Variants in MAPKAPK5 observed in about 807,000 individuals in gnomAD.
The protein encoded by MAPKAPK5 is MAP kinase-activated protein kinase 5.
Under a neutral mutation model 65.1 loss-of-function variants are expected in MAPKAPK5, and 30 were observed. The ratio of observed to expected loss-of-function variants is 0.46; its 90% CI spans 0.34 to 0.63. The LOEUF is 0.63. Among genes scored for constraint, MAPKAPK5 ranks in the 20% least tolerant of loss-of-function variants. MAPKAPK5 has a pLI of 0.01. For missense variants in MAPKAPK5, 433 were observed against 581.4 expected (o/e 0.74, Z 2.63); for synonymous variants, 179 against 204.6 (o/e 0.87, Z 1.07).
At chr12:111,882,796 C>T in intron 8 of MAPKAPK5, 3 of 985,524 alleles carry the variant, frequency 3.0e-6, no homozygotes, top group Non-Finnish European at 3.6e-6. Context: ...CCAGTCCTCT[C>T]CATGATCTGT....
chr12:111,890,938 G>A (rs959562068), intron 13 of MAPKAPK5, among the ~76,000 whole-genome samples: 7 of 152,056 alleles, frequency 4.6e-5, no homozygotes, highest in African/African-American at 1.7e-4. Flanking sequence ...GATTACAGGC[G>A]TGAGCCTCTG....
At chr12:111,878,758 G>A (rs900048779) in intron 7 of MAPKAPK5, among the ~76,000 whole-genome samples, 2 of 152,020 alleles carry the variant, frequency 1.3e-5, no homozygotes, top group Non-Finnish European at 2.9e-5. Flanking sequence ...AGAAGCAACC[G>A]TTCATGAAAA....
At chr12:111,881,316 C>T (rs957080387) in intron 8 of MAPKAPK5, among the ~76,000 whole-genome samples, 2 of 151,936 alleles carry the variant, frequency 1.3e-5, no homozygotes, top group Non-Finnish European at 2.9e-5. Flanking sequence ...TCAAGTGATC[C>T]GCCCGCCTCG....
chr12:111,857,357 T>C (rs1176168691), intron 1 of MAPKAPK5, among the ~76,000 whole-genome samples: 1 of 152,014 alleles, frequency 6.6e-6, no homozygotes, highest in African/African-American at 2.4e-5. Context: ...TTCTCCTTCC[T>C]CACCCTCCGT....
At chr12:111,855,582 A>G (rs1293682482) in intron 1 of MAPKAPK5, among the ~76,000 whole-genome samples, 1 of 152,106 alleles carries the variant, frequency 6.6e-6, no homozygotes, top group Non-Finnish European at 1.5e-5. Context: ...TAATCCTCGC[A>G]CTTTGGGAGG....
At chr12:111,859,466 A>G (rs989230703) in intron 1 of MAPKAPK5, among the ~76,000 whole-genome samples, 3 of 151,746 alleles carry the variant, frequency 2.0e-5, no homozygotes, top group South Asian at 2.1e-4. Flanking sequence ...CTCAGTAGAG[A>G]TGGGGTTTCA....
chr12:111,868,324 A>G (rs367871477), intron 4 of MAPKAPK5, among the ~76,000 whole-genome samples: 1 of 152,206 alleles, frequency 6.6e-6, no homozygotes. Context: ...TAAGCTTACA[A>G]AGGAGAGGAG....
At chr12:111,858,265 T>C (rs1204020791) in intron 1 of MAPKAPK5, among the ~76,000 whole-genome samples, 1 of 152,086 alleles carries the variant, frequency 6.6e-6, no homozygotes, top group Non-Finnish European at 1.5e-5. Flanking sequence ...GTTTATCTTA[T>C]TTAGAGTTTG....
At chr12:111,843,563 T>C (rs2068803982) in intron 1 of MAPKAPK5, 1 of 302,248 alleles carries the variant, frequency 3.3e-6, no homozygotes, top group Non-Finnish European at 6.0e-6. Context: ...TATTTACTTA[T>C]TTGTAGTGTT....
rs78142205 is a variant in MAPKAPK5 at position 111,856,697 on chromosome 12, G to A, written c.37-8553G>A. ...GCCAGGGTTACAGGTGTGAGCCACT[G>A]TGCTCAGCCTTCTCCCTCTTCTTTT... On this transcript the variant is annotated intron_variant, in intron 1 of 13. Transcript: ENST00000550735. Among the ~76,000 whole-genome samples, 23 of 152,074 alleles carry A rather than the reference G, an allele frequency of 1.5e-4. No individual in the cohort carries two copies. The East Asian group carries it at 4.5e-3, about 29-fold the overall frequency.
At chr12:111,885,507 AC>A (rs2136146471) in intron 9 of MAPKAPK5, 1 of 159,520 alleles carries the variant, frequency 6.3e-6, no homozygotes, top group South Asian at 1.9e-4. Flanking sequence ...GAACCTCATG[AC>A]CCTTCAACTA....
chr12:111,866,702 C>T (rs556348114), intron 3 of MAPKAPK5, among the ~76,000 whole-genome samples: 3 of 152,172 alleles, frequency 2.0e-5, no homozygotes, highest in African/African-American at 7.2e-5. Context: ...CTCCGCCTCC[C>T]GGGTTCAAGT....
intron 8 of MAPKAPK5, among the ~76,000 whole-genome samples, chr12:111,882,477 C>T (rs2070269181): frequency 6.6e-6 from 1 of 152,210 alleles, no homozygotes; most frequent in Non-Finnish European, 1.5e-5. Flanking sequence ...GTGTGGGGCC[C>T]CAGTGGCAGG....
intron 7 of MAPKAPK5, among the ~76,000 whole-genome samples, chr12:111,876,003 C>T (rs1359953068): frequency 6.6e-6 from 1 of 151,726 alleles, no homozygotes; most frequent in Admixed American, 6.6e-5. Flanking sequence ...GTCAGGGGTT[C>T]AAGACTAGCC....
intron 8 of MAPKAPK5, among the ~76,000 whole-genome samples, chr12:111,881,617 G>C (rs894833010): frequency 6.6e-6 from 1 of 151,286 alleles, no homozygotes; most frequent in African/African-American, 2.4e-5. Context: ...TGTTGGCCAG[G>C]TTGGTCCTGA....
chr12:111,882,224 C>CA (rs2070258633), intron 8 of MAPKAPK5, among the ~76,000 whole-genome samples: 1 of 152,088 alleles, frequency 6.6e-6, no homozygotes, highest in Non-Finnish European at 1.5e-5. Flanking sequence ...ACTAAAAATA[C>CA]AAAAAATTAG....
At chr12:111,887,814 TACACACACACAC>T (rs58382752) in intron 10 of MAPKAPK5, 9,851 of 145,056 alleles carry the variant, frequency 0.068, 383 homozygotes, top group Middle Eastern at 0.18. Flanking sequence ...TTTTCTGGGA[TACACACACACAC>T]ACACACACAC....
chr12:111,862,474 G>A (rs558882577), intron 1 of MAPKAPK5, among the ~76,000 whole-genome samples: 2 of 152,278 alleles, frequency 1.3e-5, no homozygotes, highest in East Asian at 3.9e-4. Context: ...GCCAAGGTGG[G>A]CGGATCACCT....
At chr12:111,892,172 T>G (rs1028561627) in intron 13 of MAPKAPK5, among the ~76,000 whole-genome samples, 1 of 152,246 alleles carries the variant, frequency 6.6e-6, no homozygotes, top group Non-Finnish European at 1.5e-5. Flanking sequence ...ACTGTATGAA[T>G]GTGTGCTATA....
Sources: allele counts gnomAD v4.1 joint callset (sites outside exome capture counted in the v4.1 genomes callset), GRCh38; gene constraint gnomAD v4.1.1; transcripts MANE v1.5; gene names NCBI Gene and HGNC (gene_info 2026-07-23, HGNC 2026-07-21).